ZNF814: variants seen among roughly 807,000 people sequenced by gnomAD.
ZNF814 encodes the protein zinc finger protein 814.
In ZNF814, 5 loss-of-function variants were observed where a neutral mutation model predicts 7.5. The observed-to-expected ratio is 0.67, with a 90% CI of 0.35 to 1.40. ZNF814 has a LOEUF of 1.40. ZNF814 is among the 40% of genes most tolerant of loss of function. The probability of loss-of-function intolerance (pLI) is 0.04; values close to 1 mark genes in which losing one functional copy is unlikely to be tolerated. For synonymous variants in ZNF814, 315 were observed against 340.7 expected (o/e 0.92, Z 0.83); for missense variants, 962 against 1,018.0 (o/e 0.94, Z 0.75).
rs1349312246 is a variant in ZNF814, at chr19:57,888,874, T to C, written c.-72A>G. 4 of 1,521,772 alleles carry C rather than the reference T, an allele frequency of 2.6e-6. No individual in the cohort carries two copies. In the African/African-American group the frequency reaches 4.1e-5, roughly 16 times the overall value. The allele number at this position is 1,521,772 out of a possible 1,614,324, so 94.3% of individuals were successfully genotyped here. ...CAGGAGATATGGGCACGACGGTCCG[T>C]ATCCTGGCCCAGGAGTGGGTCACGC... On this transcript the variant is annotated 5_prime_UTR_variant, in exon 1 of 3. The change creates a new upstream start codon in the 5' untranslated region. Transcript: ENST00000435989.
the ZNF814 span, among the ~76,000 whole-genome samples, chr19:57,896,969 T>TTC: frequency 2.0e-5 from 3 of 152,102 alleles, no homozygotes; most frequent in Non-Finnish European, 4.4e-5. This position sits in a 1 kb window ranked among gnomAD's most constrained non-coding sequence, Gnocchi z 4.2. Context: ...AATCAAGCAG[T>TTC]AATGGAGAAT....
the ZNF814 span, among the ~76,000 whole-genome samples, chr19:57,899,236 T>A: frequency 6.6e-6 from 1 of 152,244 alleles, no homozygotes; most frequent in South Asian, 2.1e-4. Flanking sequence ...GTCAAACTTA[T>A]GTTGGAAAAG....
upstream of ZNF814, among the ~76,000 whole-genome samples, chr19:57,893,831 A>C (rs568996334): frequency 9.9e-5 from 15 of 151,342 alleles, no homozygotes; most frequent in Non-Finnish European, 1.5e-4. Flanking sequence ...GAGGCAGGAG[A>C]ATCACTTAAA....
At chr19:57,886,774 G>A (rs534965845) in intron 1 of ZNF814, among the ~76,000 whole-genome samples, 1 of 151,958 alleles carries the variant, frequency 6.6e-6, no homozygotes, top group Admixed American at 6.6e-5. Context: ...CAGCTACTCG[G>A]GAGGCTGAAA....
upstream of ZNF814, among the ~76,000 whole-genome samples, chr19:57,891,842 C>T (rs1165904468): frequency 1.3e-5 from 2 of 152,142 alleles, no homozygotes; most frequent in African/African-American, 2.4e-5. Flanking sequence ...CAACCTCCAC[C>T]TCCTGGGTTC....
At position 57,873,074 on chromosome 19, in the gene ZNF814, A is replaced by G. The variant is rs766662653; in HGVS notation, c.2316T>C (p.Tyr772=). ...AAGATTTTCCACATTCACTGCACTC[A>G]TAAGGCTTTTCTCCAGTGTGAATTC... ...HKRIHTGEKP[Y]ECSECGKSFA... The change falls in exon 3 of 3, where the codon TAT becomes TAC. Residue 772 remains tyrosine (Y), a synonymous_variant. Coordinates refer to ENST00000435989, the MANE Select transcript of ZNF814 (RefSeq NM_001144989.2). The G allele has an allele frequency of 6.2e-7, 1 of 1,613,870 alleles. No homozygotes were observed. The highest frequency in any genetic ancestry group is 1.1e-5 in the South Asian group (1 of 91,018).
chr19:57,898,574 G>T, the ZNF814 span, among the ~76,000 whole-genome samples: 5 of 152,204 alleles, frequency 3.3e-5, no homozygotes, highest in Admixed American at 1.3e-4. Context: ...GGCTTTAAAA[G>T]AATTAGTACA....
At chr19:57,884,230 A>T (rs990238485) in intron 1 of ZNF814, among the ~76,000 whole-genome samples, 1 of 152,232 alleles carries the variant, frequency 6.6e-6, no homozygotes, top group African/African-American at 2.4e-5. Context: ...CTGCAAAGGG[A>T]TTAATTACCA....
chr19:57,895,016 A>G, the ZNF814 span, among the ~76,000 whole-genome samples: 8 of 152,168 alleles, frequency 5.3e-5, no homozygotes, highest in Non-Finnish European at 8.8e-5. Context: ...AAAAGCCCTA[A>G]GACAAGTTAA....
upstream of ZNF814, among the ~76,000 whole-genome samples, chr19:57,891,254 G>T (rs953461949): frequency 1.3e-5 from 2 of 152,136 alleles, no homozygotes; most frequent in Non-Finnish European, 2.9e-5. Context: ...GGCCAGGCGC[G>T]GTGGCTCACG....
At chr19:57,898,289 T>C in the ZNF814 span, among the ~76,000 whole-genome samples, 3 of 152,182 alleles carry the variant, frequency 2.0e-5, no homozygotes, top group Non-Finnish European at 4.4e-5. Flanking sequence ...ATTGCAACAA[T>C]GGGGTGCTGA....
At chr19:57,903,804 A>G in the ZNF814 span, among the ~76,000 whole-genome samples, 1 of 152,264 alleles carries the variant, frequency 6.6e-6, no homozygotes, top group Non-Finnish European at 1.5e-5. Context: ...AGCCGCTGCC[A>G]AGAACAAGCA....
At chr19:57,878,016 A>C (rs117426808) in intron 1 of ZNF814, among the ~76,000 whole-genome samples, 8,021 of 151,898 alleles carry the variant, frequency 0.053, 289 homozygotes, top group Middle Eastern at 0.082. Context: ...AATACAAAAA[A>C]TTAGCTGAGC....
At position 57,888,939 on chromosome 19, in the gene ZNF814, CGGA is replaced by C; in HGVS notation, c.-140_-138del. On this transcript the variant is annotated 5_prime_UTR_variant, in exon 1 of 3. Transcript: ENST00000435989. The stretch of plus-strand genomic sequence containing the variant: ...GAGCTCCAGAGTAGCCTCTGTGCAG[CGGA>C]GGACAACTGCTCCCCGACTTCTGGG... 1 of 900,328 alleles carries C rather than the reference CGGA, an allele frequency of 1.1e-6. No homozygotes were observed. Among genetic ancestry groups the C allele is most frequent in the Non-Finnish European group, 1.7e-6 (1 of 584,744 alleles). 55.8% of individuals were successfully genotyped at this position (900,328 alleles called of 1,614,324 possible).
chr19:57,897,247 G>A, the ZNF814 span, among the ~76,000 whole-genome samples: 1 of 152,254 alleles, frequency 6.6e-6, no homozygotes, highest in South Asian at 2.1e-4. Flanking sequence ...TCATTTGGCT[G>A]AATATATTAA....
At position 57,887,342 on chromosome 19, in the gene ZNF814, G is replaced by A. The variant is rs571615000; in HGVS notation, c.36+1425C>T. ...TCAAAACTCAGCATCTGCTGCCTAA[G>A]GCTCTGCCACCTCAAAGACTCTTCC... is the stretch of plus-strand genomic sequence containing the variant. On this transcript the variant is annotated intron_variant, in intron 1 of 2. Transcript: ENST00000435989. Among the ~76,000 whole-genome samples the A allele has an allele frequency of 1.2e-3, 187 of 152,224 alleles. 1 individual carries two copies. Among genetic ancestry groups the A allele is most frequent in the Non-Finnish European group, 5.1e-4 (35 of 68,042 alleles).
chr19:57,889,049 G>A (rs1380126031), upstream of ZNF814: 1 of 537,702 alleles, frequency 1.9e-6, no homozygotes, highest in Non-Finnish European at 3.3e-6. Flanking sequence ...GCCGCCACCA[G>A]AGGGCGCCGG....
At chr19:57,898,151 G>A in the ZNF814 span, among the ~76,000 whole-genome samples, 1 of 152,168 alleles carries the variant, frequency 6.6e-6, no homozygotes, top group African/African-American at 2.4e-5. Context: ...TGGTATTGTT[G>A]GAGTAGGAGC....
Position 57,872,083 on chromosome 19 carries a change from G to C in ZNF814, c.*739C>G, listed in dbSNP as rs9630883. Among the ~76,000 whole-genome samples, 18,846 of 152,116 alleles carry C rather than the reference G, an allele frequency of 0.12. 1,704 individuals carry two copies. Among genetic ancestry groups the C allele is most frequent in the African/African-American group, 0.26 (10,731 of 41,456 alleles). On this transcript the variant is annotated 3_prime_UTR_variant, in exon 3 of 3. Transcript: ENST00000435989. ...AACACACCACTGCACGCCATCCTGA[G>C]CGACACAGTGACAACCTGTCTCAAA...
Sources: allele counts gnomAD v4.1 joint callset (sites outside exome capture counted in the v4.1 genomes callset), GRCh38; gene constraint gnomAD v4.1.1; non-coding constraint Gnocchi (gnomAD v3.1); transcripts MANE v1.5; gene names NCBI Gene and HGNC (gene_info 2026-07-23, HGNC 2026-07-21).